The following LCLAT1 variants were observed in gnomAD, a reference collection of about 807,000 sequenced individuals.
The protein encoded by LCLAT1 is lysocardiolipin acyltransferase 1.
LCLAT1 carries 11 observed loss-of-function variants against 30.7 expected under a neutral mutation model. The observed-to-expected ratio is 0.36, with a 90% CI of 0.23 to 0.59. The LOEUF is 0.59. Among genes scored for constraint, LCLAT1 ranks in the 20% least tolerant of loss-of-function variants. LCLAT1 has a pLI of 0.77. For missense variants in LCLAT1, 402 were observed against 458.6 expected (o/e 0.88, Z 1.13); for synonymous variants, 155 against 151.3 (o/e 1.02, Z -0.18).
At chr2:30,516,873 G>A (rs1038647818) in intron 1 of LCLAT1, among the ~76,000 whole-genome samples, 2 of 152,178 alleles carry the variant, frequency 1.3e-5, no homozygotes, top group African/African-American at 2.4e-5. Context: ...CAGGTGTGAG[G>A]CTTTCTGGGA....
chr2:30,580,358 C>T (rs1420953196), intron 5 of LCLAT1, among the ~76,000 whole-genome samples: 2 of 152,136 alleles, frequency 1.3e-5, no homozygotes, highest in Non-Finnish European at 2.9e-5. Context: ...AGCGGTTTAT[C>T]TGGATTTTAG....
chr2:30,554,043 T>A (rs892463790), intron 3 of LCLAT1, among the ~76,000 whole-genome samples: 1 of 152,124 alleles, frequency 6.6e-6, no homozygotes, highest in Non-Finnish European at 1.5e-5. Context: ...GTGATTTTTT[T>A]ATCGGGAAAA....
intron 5 of LCLAT1, 134 bp downstream of exon 5, chr2:30,568,310 C>T: frequency 1.9e-6 from 1 of 528,028 alleles, no homozygotes; most frequent in South Asian, 3.2e-5. Context: ...ATTTTTATTC[C>T]AAGTTGGCCT....
At chr2:30,617,244 T>C (rs1473317242) in intron 5 of LCLAT1, among the ~76,000 whole-genome samples, 1 of 152,174 alleles carries the variant, frequency 6.6e-6, no homozygotes, top group Non-Finnish European at 1.5e-5. Flanking sequence ...TCTGTCACCA[T>C]AGTTTTGCCT....
chr2:30,470,589 G>T (rs2148290835), intron 1 of LCLAT1, among the ~76,000 whole-genome samples: 1 of 152,334 alleles, frequency 6.6e-6, no homozygotes, highest in South Asian at 2.1e-4. Context: ...AAGCAAGATG[G>T]AGTCAGCTAC....
intron 5 of LCLAT1, among the ~76,000 whole-genome samples, chr2:30,632,330 C>T (rs1429399252): frequency 6.6e-6 from 1 of 152,176 alleles, no homozygotes; most frequent in Admixed American, 6.5e-5. Context: ...GAGCACAGAT[C>T]ATCAACTTCC....
At chr2:30,543,741 A>G (rs995653164) in intron 3 of LCLAT1, among the ~76,000 whole-genome samples, 3 of 152,062 alleles carry the variant, frequency 2.0e-5, no homozygotes, top group Admixed American at 6.6e-5. Context: ...GTCTGTGGTT[A>G]ATCCCTTCTT....
Position 30,568,102 on chromosome 2 carries a change from G to A in LCLAT1, c.554G>A (p.Gly185Glu), listed in dbSNP as rs765303507. 5.6e-5 allele frequency: 90 copies of A among 1,607,414 alleles called. No individual in the cohort carries two copies. Among genetic ancestry groups the A allele is most frequent in the Non-Finnish European group, 7.1e-5 (83 of 1,176,242 alleles). ...SRSNAFAEKNGLQKYEYVLHP... is the reference protein window; with the variant it reads ...SRSNAFAEKNELQKYEYVLHP... ...AGTAATGCATTTGCTGAAAAAAATGGACTTCAGAAATATGAATATGTTTTA... is the reference window on the plus strand; with the variant it reads ...AGTAATGCATTTGCTGAAAAAAATGAACTTCAGAAATATGAATATGTTTTA... Residue 185 changes from glycine (G) to glutamate (E), a missense_variant, in exon 5 of 6, where the codon GGA becomes GAA. Gly to Glu is a moderately conservative substitution (Grantham distance 98). Transcript: ENST00000379509.
chr2:30,558,800 A>G (rs942428243), intron 3 of LCLAT1, among the ~76,000 whole-genome samples: 4 of 152,304 alleles, frequency 2.6e-5, no homozygotes, highest in South Asian at 2.1e-4. Context: ...AACTGGTGCT[A>G]TCTACTGAAG....
intron 5 of LCLAT1, among the ~76,000 whole-genome samples, chr2:30,637,795 C>G (rs570305015): frequency 6.7e-4 from 102 of 152,264 alleles, no homozygotes; most frequent in African/African-American, 2.2e-3. Flanking sequence ...TCAGGCTGGT[C>G]TCGAACTCCT....
chr2:30,456,431 G>GGGAA (rs35636159), intron 1 of LCLAT1, among the ~76,000 whole-genome samples: 108,846 of 151,188 alleles, frequency 0.72, 40,629 homozygotes, highest in East Asian at 0.87. Context: ...CCACCTGGCA[G>GGGAA]GGAAGTCTAG....
chr2:30,554,646 A>C (rs1198535864), intron 3 of LCLAT1, among the ~76,000 whole-genome samples: 1 of 152,224 alleles, frequency 6.6e-6, no homozygotes, highest in Non-Finnish European at 1.5e-5. Flanking sequence ...AATATTGGAC[A>C]TATAGTAAGC....
chr2:30,568,701 G>A (rs1050217130), intron 5 of LCLAT1, among the ~76,000 whole-genome samples: 3 of 150,250 alleles, frequency 2.0e-5, no homozygotes, highest in African/African-American at 7.3e-5. Flanking sequence ...TAGAGAGGGG[G>A]TTTCAACATG....
chr2:30,485,245 G>A (rs940596601), intron 1 of LCLAT1, among the ~76,000 whole-genome samples: 12 of 152,118 alleles, frequency 7.9e-5, no homozygotes, highest in Non-Finnish European at 1.5e-4. Context: ...CCGCTTAGCT[G>A]AATAGTTTTA....
At chr2:30,538,887 T>C (rs1421587164) in intron 3 of LCLAT1, among the ~76,000 whole-genome samples, 1 of 151,324 alleles carries the variant, frequency 6.6e-6, no homozygotes, top group Non-Finnish European at 1.5e-5. Context: ...ATCAATAATT[T>C]AAAAAATCTC....
At chr2:30,586,225 G>C (rs985130812) in intron 5 of LCLAT1, among the ~76,000 whole-genome samples, 2 of 129,082 alleles carry the variant, frequency 1.5e-5, no homozygotes, top group African/African-American at 3.1e-5. Flanking sequence ...CTGGGTGACA[G>C]AGCAAGACTC....
chr2:30,515,143 C>T (rs911469625), intron 1 of LCLAT1, among the ~76,000 whole-genome samples: 9 of 152,122 alleles, frequency 5.9e-5, no homozygotes, highest in African/African-American at 1.9e-4. Context: ...TAGGTTATTG[C>T]CTGGAGTATT....
chr2:30,467,743 G>C (rs1682522361), intron 1 of LCLAT1, among the ~76,000 whole-genome samples: 1 of 152,190 alleles, frequency 6.6e-6, no homozygotes, highest in Non-Finnish European at 1.5e-5. Flanking sequence ...CTTCTTTTGA[G>C]AAGTGTCTGT....
chr2:30,579,922 T>C (rs1337263997), intron 5 of LCLAT1, among the ~76,000 whole-genome samples: 2 of 152,160 alleles, frequency 1.3e-5, no homozygotes, highest in Non-Finnish European at 2.9e-5. Flanking sequence ...ACCTTTAGAA[T>C]AAGGCTTTAG....
Sources: allele counts gnomAD v4.1 joint callset (sites outside exome capture counted in the v4.1 genomes callset), GRCh38; gene constraint gnomAD v4.1.1; transcripts MANE v1.5; gene names NCBI Gene and HGNC (gene_info 2026-07-23, HGNC 2026-07-21).